Variants in ERBB4 observed in about 807,000 individuals in gnomAD.
ERBB4 encodes the protein erb-b2 receptor tyrosine kinase 4, also known as receptor tyrosine-protein kinase erbB-4.
ERBB4 carries 42 observed loss-of-function variants against 158.0 expected under a neutral mutation model. The ratio of observed to expected loss-of-function variants is 0.27; its 90% CI spans 0.21 to 0.34. The LOEUF (loss-of-function observed/expected upper bound fraction) is 0.34. ERBB4 is among the 10% of genes least tolerant of loss of function. ERBB4 has a pLI of 1.00. For synonymous variants in ERBB4, 583 were observed against 558.7 expected (o/e 1.04, Z -0.61); for missense variants, 1,333 against 1,624.1 (o/e 0.82, Z 3.08).
chr2:211,775,109 G>A (rs2075839953), intron 4 of ERBB4, among the ~76,000 whole-genome samples: 1 of 152,140 alleles, frequency 6.6e-6, no homozygotes, highest in South Asian at 2.1e-4. Context: ...TAAACTTACA[G>A]GGGAATTAAG....
At chr2:211,918,805 A>G (rs2079775002) in intron 3 of ERBB4, among the ~76,000 whole-genome samples, 1 of 152,150 alleles carries the variant, frequency 6.6e-6, no homozygotes, top group African/African-American at 2.4e-5. Context: ...AATGGTGGAG[A>G]ATATTTTTGC....
intron 2 of ERBB4, among the ~76,000 whole-genome samples, chr2:212,103,495 C>A (rs1053233327): frequency 6.6e-5 from 10 of 151,972 alleles, no homozygotes; most frequent in African/African-American, 1.9e-4. Context: ...ATTTTATATT[C>A]TTTTCTGGTA....
chr2:212,287,782 G>C (rs1207553324), intron 1 of ERBB4, among the ~76,000 whole-genome samples: 2 of 152,160 alleles, frequency 1.3e-5, no homozygotes, highest in African/African-American at 4.8e-5. Flanking sequence ...GATGGAGTTG[G>C]AAGCCATTAT....
At chr2:211,744,205 A>G (rs998367341) in intron 5 of ERBB4, among the ~76,000 whole-genome samples, 2 of 152,234 alleles carry the variant, frequency 1.3e-5, no homozygotes, top group African/African-American at 4.8e-5. Flanking sequence ...TGGAGGAACA[A>G]TGACACAATT....
intron 2 of ERBB4, among the ~76,000 whole-genome samples, chr2:212,099,864 G>T (rs1439282980): frequency 6.6e-6 from 1 of 151,536 alleles, no homozygotes; most frequent in Non-Finnish European, 1.5e-5. Flanking sequence ...GATTAGAAGG[G>T]CTATCTACAG....
At chr2:211,950,571 C>A (rs766491211) in intron 2 of ERBB4, among the ~76,000 whole-genome samples, 57 of 152,064 alleles carry the variant, frequency 3.7e-4, no homozygotes, top group Non-Finnish European at 6.2e-4. Flanking sequence ...CTCTTTCCCC[C>A]CAGTCACACA....
At chr2:211,733,988 G>A (rs2074517920) in intron 5 of ERBB4, among the ~76,000 whole-genome samples, 1 of 152,114 alleles carries the variant, frequency 6.6e-6, no homozygotes, top group Non-Finnish European at 1.5e-5. Context: ...GTTGCAGCGA[G>A]CTGAGATCAT....
chr2:211,943,785 C>T (rs1011652609), intron 3 of ERBB4, among the ~76,000 whole-genome samples: 4 of 152,034 alleles, frequency 2.6e-5, no homozygotes, highest in Non-Finnish European at 5.9e-5. Flanking sequence ...TCACAACCAA[C>T]ATGAAAGTAT....
intron 2 of ERBB4, among the ~76,000 whole-genome samples, chr2:212,056,449 G>A (rs2077572231): frequency 6.6e-6 from 1 of 152,136 alleles, no homozygotes; most frequent in Non-Finnish European, 1.5e-5. Context: ...GACTCCTCGA[G>A]AAGAGCAGCT....
At chr2:212,028,483 C>T (rs1050831464) in intron 2 of ERBB4, among the ~76,000 whole-genome samples, 5 of 152,140 alleles carry the variant, frequency 3.3e-5, no homozygotes, top group South Asian at 2.1e-4. Context: ...TCATAAATGA[C>T]GCAATGGAAA....
At chr2:212,196,116 C>T (rs764077060) in intron 1 of ERBB4, among the ~76,000 whole-genome samples, 2 of 152,062 alleles carry the variant, frequency 1.3e-5, no homozygotes, top group Admixed American at 1.3e-4. Context: ...CTATGGGTAA[C>T]TTTCGATTCC....
At chr2:212,069,393 A>G (rs2078042105) in intron 2 of ERBB4, among the ~76,000 whole-genome samples, 1 of 152,050 alleles carries the variant, frequency 6.6e-6, no homozygotes, top group African/African-American at 2.4e-5. Flanking sequence ...AATTAAATGA[A>G]CTAGGATTAG....
intron 1 of ERBB4, among the ~76,000 whole-genome samples, chr2:212,345,430 A>T (rs2088949949): frequency 6.6e-6 from 1 of 152,050 alleles, no homozygotes; most frequent in Non-Finnish European, 1.5e-5. Context: ...GTCTGGAGAC[A>T]TACTTGGCTG....
intron 12 of ERBB4, among the ~76,000 whole-genome samples, chr2:211,684,036 G>GTTTA (rs1268700121): frequency 6.6e-6 from 1 of 151,696 alleles, no homozygotes; most frequent in Non-Finnish European, 1.5e-5. Flanking sequence ...ATTAGATTTC[G>GTTTA]TTTATTTATT....
rs530924183 is a variant in ERBB4 at position 212,105,962 on chromosome 2, A to G, written c.234+18790T>C. Reference sequence around the variant, plus strand: ...GACATGTCTTTTGCTTTCCAACATGATTGTAAAGCCTCCCCAGCCACATGG... The same window carrying G: ...GACATGTCTTTTGCTTTCCAACATGGTTGTAAAGCCTCCCCAGCCACATGG... On this transcript the variant is annotated intron_variant, in intron 2 of 27. Transcript: ENST00000342788. 3.3e-5 allele frequency among the ~76,000 whole-genome samples: 5 copies of G among 152,204 alleles called. No individual in the cohort carries two copies. The East Asian group carries it at 9.7e-4, about 29-fold the overall frequency.
intron 1 of ERBB4, among the ~76,000 whole-genome samples, chr2:212,275,488 C>A (rs1303048300): frequency 6.6e-6 from 1 of 151,864 alleles, no homozygotes; most frequent in Non-Finnish European, 1.5e-5. Context: ...GATGGTATCT[C>A]ATTGTGGTTT....
intron 2 of ERBB4, among the ~76,000 whole-genome samples, chr2:212,039,554 T>A (rs919317854): frequency 6.6e-6 from 1 of 152,202 alleles, no homozygotes; most frequent in Non-Finnish European, 1.5e-5. Flanking sequence ...GAGAACTTCT[T>A]ATTAAGTAGT....
chr2:212,196,819 A>G (rs2082439187), intron 1 of ERBB4, among the ~76,000 whole-genome samples: 1 of 152,136 alleles, frequency 6.6e-6, no homozygotes, highest in Non-Finnish European at 1.5e-5. Context: ...TTGAATAAGT[A>G]TGAAGTATTT....
chr2:212,169,363 T>G (rs1034315604), intron 1 of ERBB4, among the ~76,000 whole-genome samples: 2 of 152,098 alleles, frequency 1.3e-5, no homozygotes, highest in African/African-American at 4.8e-5. Flanking sequence ...TACATACACT[T>G]ACAACCATTT....
Sources: allele counts gnomAD v4.1 joint callset (sites outside exome capture counted in the v4.1 genomes callset), GRCh38; gene constraint gnomAD v4.1.1; transcripts MANE v1.5; gene names NCBI Gene and HGNC (gene_info 2026-07-23, HGNC 2026-07-21).